Variants in RFX3 observed in about 807,000 individuals in gnomAD.
RFX3 encodes the protein regulatory factor X3.
A neutral mutation model predicts 98.6 loss-of-function variants in RFX3; 14 were observed. That is an observed-to-expected ratio of 0.14 (90% CI 0.09 to 0.22). The LOEUF is 0.22. Among genes scored for constraint, RFX3 ranks in the 10% least tolerant of loss-of-function variants. The pLI is 1.00. For missense variants in RFX3, 639 were observed against 926.9 expected, an observed-to-expected ratio of 0.69 and a Z score of 4.03; for synonymous variants, 383 against 328.4, an observed-to-expected ratio of 1.17 and a Z score of -1.80.
intron 4 of RFX3, among the ~76,000 whole-genome samples, chr9:3,319,696 G>T (rs1831030908): frequency 6.6e-6 from 1 of 152,060 alleles, no homozygotes. Flanking sequence ...AAGTCTGGAG[G>T]CTATTTGTGA....
intron 2 of RFX3, among the ~76,000 whole-genome samples, chr9:3,355,620 T>C (rs1348434819): frequency 6.6e-6 from 1 of 151,874 alleles, no homozygotes; most frequent in Non-Finnish European, 1.5e-5. Context: ...GCATTCTTTT[T>C]TCCATAGTTG....
chr9:3,524,842 C>T (rs1249275353), intron 1 of RFX3, among the ~76,000 whole-genome samples: 1 of 123,936 alleles, frequency 8.1e-6, no homozygotes, highest in African/African-American at 3.3e-5. Context: ...CACACACACA[C>T]ACACACACAC....
chr9:3,508,686 C>A (rs571968934), intron 1 of RFX3, among the ~76,000 whole-genome samples: 7 of 152,040 alleles, frequency 4.6e-5, no homozygotes, highest in African/African-American at 1.4e-4. Context: ...GGGATTTACA[C>A]CTTGTTAAAA....
At chr9:3,358,849 GA>G (rs1442943573) in intron 2 of RFX3, among the ~76,000 whole-genome samples, 1 of 152,058 alleles carries the variant, frequency 6.6e-6, no homozygotes, top group Non-Finnish European at 1.5e-5. Context: ...GCAGGAAGAA[GA>G]AAGAATGCCA....
intron 15 of RFX3, among the ~76,000 whole-genome samples, chr9:3,235,378 G>A (rs952615538): frequency 6.6e-6 from 1 of 152,176 alleles, no homozygotes; most frequent in African/African-American, 2.4e-5. Context: ...TAATATACTG[G>A]AGGAAGAACC....
intron 1 of RFX3, among the ~76,000 whole-genome samples, chr9:3,483,242 C>A (rs1449914682): frequency 6.6e-6 from 1 of 152,082 alleles, no homozygotes; most frequent in Non-Finnish European, 1.5e-5. Context: ...TTAGTTGTCA[C>A]AATGATGCAG....
intron 2 of RFX3, among the ~76,000 whole-genome samples, chr9:3,369,940 T>G (rs1447392956): frequency 6.6e-6 from 1 of 151,388 alleles, no homozygotes; most frequent in Non-Finnish European, 1.5e-5. Context: ...GCCATTCTCC[T>G]GCCTCAGCCT....
chr9:3,321,368 C>G (rs947665429), intron 4 of RFX3, among the ~76,000 whole-genome samples: 3 of 152,110 alleles, frequency 2.0e-5, no homozygotes, highest in Non-Finnish European at 4.4e-5. Flanking sequence ...CATTGCTCTC[C>G]AATTCTGTGC....
intron 3 of RFX3, among the ~76,000 whole-genome samples, chr9:3,333,287 G>C (rs1294690990): frequency 6.6e-5 from 10 of 151,958 alleles, no homozygotes; most frequent in Admixed American, 4.6e-4. Flanking sequence ...AATTATACTT[G>C]TAATTTACAA....
At chr9:3,332,997 A>G (rs530326380) in intron 3 of RFX3, among the ~76,000 whole-genome samples, 1 of 152,222 alleles carries the variant, frequency 6.6e-6, no homozygotes, top group Non-Finnish European at 1.5e-5. Context: ...TACTTTCCCA[A>G]CATCCTTTGA....
chr9:3,362,428 T>C (rs1035762578), intron 2 of RFX3, among the ~76,000 whole-genome samples: 2 of 152,240 alleles, frequency 1.3e-5, no homozygotes, highest in African/African-American at 4.8e-5. Context: ...ACTGTGTAGC[T>C]TCTTCTGTTT....
chr9:3,464,612 G>T (rs1047434923), intron 1 of RFX3, among the ~76,000 whole-genome samples: 1 of 152,148 alleles, frequency 6.6e-6, no homozygotes, highest in East Asian at 1.9e-4. Flanking sequence ...GCAATGAGAT[G>T]GGGTAAAGGA....
chr9:3,443,514 G>T (rs551794107), intron 1 of RFX3, among the ~76,000 whole-genome samples: 7 of 152,114 alleles, frequency 4.6e-5, no homozygotes, highest in Non-Finnish European at 1.0e-4. Flanking sequence ...CTCCATTCAT[G>T]TCCCTGTAAA....
chr9:3,505,204 A>ATATATGAATATATATT (rs1564186659), intron 1 of RFX3, among the ~76,000 whole-genome samples: 25 of 53,438 alleles, frequency 4.7e-4, no homozygotes, highest in African/African-American at 2.4e-3. Context: ...ATATATTTAT[A>ATATATGAATATATATT]TATATATGAA....
chr9:3,437,209 C>G (rs1054355720), intron 1 of RFX3, among the ~76,000 whole-genome samples: 1 of 151,972 alleles, frequency 6.6e-6, no homozygotes, highest in Non-Finnish European at 1.5e-5. Flanking sequence ...AGAATTAAGC[C>G]AGCTTTAGTT....
chr9:3,462,774 G>C (rs1168549209), intron 1 of RFX3, among the ~76,000 whole-genome samples: 1 of 151,984 alleles, frequency 6.6e-6, no homozygotes, highest in Non-Finnish European at 1.5e-5. Flanking sequence ...TACTAGCATT[G>C]CTAATATTGC....
At chr9:3,413,957 T>C (rs1052848362) in intron 1 of RFX3, among the ~76,000 whole-genome samples, 4 of 152,140 alleles carry the variant, frequency 2.6e-5, no homozygotes, top group African/African-American at 9.6e-5. Flanking sequence ...GATTGTCTTC[T>C]TTCATCTTTA....
intron 10 of RFX3, 141 bp downstream of exon 10, chr9:3,270,862 T>A: frequency 8.2e-7 from 1 of 1,223,224 alleles, no homozygotes; most frequent in East Asian, 2.5e-5. Context: ...GTTCATGGTT[T>A]ATTTCTAGGA....
chr9:3,348,221 C>G (rs184173050), intron 2 of RFX3, among the ~76,000 whole-genome samples: 41 of 152,262 alleles, frequency 2.7e-4, no homozygotes, highest in Non-Finnish European at 4.9e-4. Context: ...ATAAGTTCCT[C>G]TATTTCATGT....
Sources: allele counts gnomAD v4.1 joint callset (sites outside exome capture counted in the v4.1 genomes callset), GRCh38; gene constraint gnomAD v4.1.1; transcripts MANE v1.5; gene names NCBI Gene and HGNC (gene_info 2026-07-23, HGNC 2026-07-21).